PIGS: variants seen among roughly 807,000 people sequenced by gnomAD.
The protein encoded by PIGS is GPI-anchor transamidase component PIGS.
A neutral mutation model predicts 58.2 loss-of-function variants in PIGS; 37 were observed. The observed-to-expected ratio is 0.64, with a 90% CI of 0.49 to 0.84. The LOEUF (loss-of-function observed/expected upper bound fraction) is 0.84, where lower values mean the gene tolerates loss of function less well. PIGS is among the 40% of genes least tolerant of loss of function. The pLI, the probability that PIGS is intolerant of heterozygous loss-of-function variation, is 0.00. For missense variants in PIGS, 629 were observed against 710.8 expected (o/e 0.88, Z 1.31); for synonymous variants, 269 against 289.2 (o/e 0.93, Z 0.71).
At chr17:28,556,052 T>C in intron 10 of PIGS, 114 bp downstream of exon 10, 1 of 943,026 alleles carries the variant, frequency 1.1e-6, no homozygotes, top group Middle Eastern at 2.7e-4. Flanking sequence ...TTGGTTTCCC[T>C]GGGGCTCTAG....
intron 5 of PIGS, among the ~76,000 whole-genome samples, chr17:28,562,063 T>G (rs1597585313): frequency 6.6e-6 from 1 of 152,340 alleles, no homozygotes; most frequent in Admixed American, 6.5e-5. Context: ...ATGGGTAAAT[T>G]ATGTTTATGT....
chr17:28,559,751 C>T (rs1453887534), intron 7 of PIGS, among the ~76,000 whole-genome samples: 3 of 144,952 alleles, frequency 2.1e-5, no homozygotes, highest in African/African-American at 7.7e-5. Context: ...CATCTAAGCA[C>T]AATTGGTGAG....
chr17:28,570,826 A>G (rs2070422505), intron 3 of PIGS, 26 bp downstream of exon 3: 1 of 1,612,200 alleles, frequency 6.2e-7, no homozygotes, highest in Non-Finnish European at 8.5e-7. Flanking sequence ...AGAGGCGAAA[A>G]GCAGCCCTGA....
intron 3 of PIGS, among the ~76,000 whole-genome samples, chr17:28,569,267 A>G (rs1446703782): frequency 6.6e-6 from 1 of 151,668 alleles, no homozygotes; most frequent in Non-Finnish European, 1.5e-5. Flanking sequence ...GGAGCTCGAG[A>G]CCAGCCTGGG....
At chr17:28,569,384 A>G (rs2070413738) in intron 3 of PIGS, among the ~76,000 whole-genome samples, 1 of 149,740 alleles carries the variant, frequency 6.7e-6, no homozygotes, top group Non-Finnish European at 1.5e-5. Flanking sequence ...CTGAGATGGG[A>G]GGATCGCTTG....
At chr17:28,568,081 C>T (rs1402068134) in intron 3 of PIGS, among the ~76,000 whole-genome samples, 1 of 152,082 alleles carries the variant, frequency 6.6e-6, no homozygotes, top group East Asian at 1.9e-4. Flanking sequence ...CTGTCACCAT[C>T]TAACATACAT....
At chr17:28,561,706 C>CG in intron 5 of PIGS, 77 bp from the exon 6 acceptor site, 1 of 1,435,672 alleles carries the variant, frequency 7.0e-7, no homozygotes, top group South Asian at 1.3e-5. Flanking sequence ...CCTACTGTTC[C>CG]GAATCTGCCC....
chr17:28,563,514 C>G lies in PIGS; in HGVS notation c.385G>C (p.Ala129Pro). Residue 129 changes from alanine to proline, a missense_variant, in exon 5 of 12, where the codon GCC (alanine) becomes CCC (proline). By Grantham distance (27) the Ala-to-Pro change is conservative (BLOSUM62 -1). Coordinates refer to ENST00000308360, the MANE Select transcript of PIGS (RefSeq NM_033198.4). ...LSSGSVQEAE[A>P]MLDEPQEQAE... ...TGTTCCTGAGGCTCATCTAACATGG[C>G]TTCTGCCTCTGGGGGCAAGAACAGG... 6.2e-7 allele frequency: 1 copy of G among 1,613,896 alleles called. No individual in the cohort carries two copies. The highest frequency in any genetic ancestry group is 1.3e-5 in the African/African-American group (1 of 75,020).
intron 1 of PIGS, 137 bp downstream of exon 1, chr17:28,571,326 A>C: frequency 6.6e-7 from 1 of 1,517,480 alleles, no homozygotes; most frequent in South Asian, 1.2e-5. Flanking sequence ...ACCCGGCCCA[A>C]GCCTGAAGGG....
intron 6 of PIGS, 171 bp from the exon 7 acceptor site, chr17:28,560,362 TGC>T: frequency 1.4e-6 from 1 of 731,322 alleles, no homozygotes; most frequent in Non-Finnish European, 2.1e-6. Flanking sequence ...AAGAAAAAGC[TGC>T]CGGGCGCTGT....
intron 6 of PIGS, among the ~76,000 whole-genome samples, chr17:28,560,516 C>T (rs2070357288): frequency 6.6e-6 from 1 of 151,904 alleles, no homozygotes; most frequent in Non-Finnish European, 1.5e-5. Context: ...TGGTGGCTCA[C>T]GCTGTAATCC....
intron 5 of PIGS, 37 bp downstream of exon 5, chr17:28,563,394 G>A (rs370410163): frequency 3.2e-6 from 5 of 1,542,130 alleles, no homozygotes; most frequent in African/African-American, 2.7e-5. Context: ...ACGAGCTGAA[G>A]GGATAAGGCA....
Position 28,561,448 on chromosome 17 carries a change from T to C in PIGS, c.650A>G (p.Lys217Arg). The C allele has an allele frequency of 1.2e-6, 2 of 1,614,034 alleles. No homozygotes were observed. Among genetic ancestry groups the C allele is most frequent in the Non-Finnish European group, 1.7e-6 (2 of 1,179,918 alleles). The change falls in exon 6 of 12, where the codon AAG (lysine) becomes AGG (arginine). Residue 217 changes from lysine (K) to arginine (R), a missense_variant. Coordinates refer to ENST00000308360, the MANE Select transcript of PIGS (RefSeq NM_033198.4). Reference protein sequence around the residue: ...HLPEDKWSAEKRRPLKSSLGY... With the variant: ...HLPEDKWSAERRRPLKSSLGY... ...CAAGCTGGACTTGAGAGGCCGCCTC[T>C]TCTCAGCGCTCCACTTGTCCTCTGG... is the stretch of plus-strand genomic sequence containing the variant.
At chr17:28,557,334 A>C (rs576096932) in intron 8 of PIGS, 2 of 236,518 alleles carry the variant, frequency 8.5e-6, no homozygotes, top group South Asian at 5.3e-5. Context: ...AATATCCCTC[A>C]ATCACTAGCC....
chr17:28,559,909 C>G, intron 7 of PIGS, 140 bp downstream of exon 7: 1 of 1,117,790 alleles, frequency 8.9e-7, no homozygotes, highest in Non-Finnish European at 1.2e-6. Context: ...CCCCCAGTAC[C>G]CACCCTTATG....
intron 3 of PIGS, among the ~76,000 whole-genome samples, chr17:28,569,169 A>AT: frequency 6.6e-6 from 1 of 150,914 alleles, no homozygotes; most frequent in African/African-American, 2.4e-5. Flanking sequence ...ACGAAATATC[A>AT]TTTTTTTAAA....
chr17:28,569,204 G>A (rs537044090), intron 3 of PIGS, among the ~76,000 whole-genome samples: 19 of 151,538 alleles, frequency 1.3e-4, no homozygotes, highest in Admixed American at 7.2e-4. Context: ...AGCCGGGTGC[G>A]GTGGCTCACA....
In PIGS at chr17:28,570,840, C is replaced by T; in HGVS notation, c.286+12G>A. On this transcript the variant is annotated intron_variant, in intron 3 of 11. Coordinates refer to ENST00000308360, the MANE Select transcript of PIGS (RefSeq NM_033198.4). The stretch of plus-strand genomic sequence containing the variant: ...CAGAGGCGAAAAGCAGCCCTGATCC[C>T]CAGTAACTCACATTTCAGAGGAATC... 4 of 1,613,908 alleles carry T rather than the reference C, an allele frequency of 2.5e-6. No homozygotes were observed. Among genetic ancestry groups the T allele is most frequent in the Non-Finnish European group, 3.4e-6 (4 of 1,179,760 alleles).
chr17:28,563,310 T>G (rs901191573), intron 5 of PIGS, 121 bp downstream of exon 5: 8 of 908,246 alleles, frequency 8.8e-6, no homozygotes, highest in African/African-American at 6.8e-5. Flanking sequence ...AAAAAATTTT[T>G]TTTTGGAGAG....
Sources: gnomAD v4.1 joint callset for allele counts (sites outside exome capture counted in the v4.1 genomes callset) on GRCh38, gnomAD v4.1.1 for gene constraint, MANE v1.5 for transcripts, NCBI Gene and HGNC (gene_info 2026-07-23, HGNC 2026-07-21) for gene names.